Variants in CHCHD6 observed in about 807,000 individuals in gnomAD.
CHCHD6 encodes coiled-coil-helix-coiled-coil-helix domain containing 6.
Under a neutral mutation model 32.3 loss-of-function variants are expected in CHCHD6, and 28 were observed. The ratio of observed to expected loss-of-function variants is 0.87; its 90% CI spans 0.64 to 1.19. CHCHD6 has a LOEUF of 1.19. CHCHD6 is among the 50% of genes most tolerant of loss of function. CHCHD6 has a pLI of 0.00. For missense variants in CHCHD6, 333 were observed against 307.0 expected (o/e 1.08, Z -0.63); for synonymous variants, 122 against 117.5 (o/e 1.04, Z -0.25).
At chr3:126,888,035 G>T (rs1030141868) in intron 5 of CHCHD6, among the ~76,000 whole-genome samples, 1 of 151,942 alleles carries the variant, frequency 6.6e-6, no homozygotes, top group African/African-American at 2.4e-5. Flanking sequence ...ATATGTGAGC[G>T]GGGGGCTGCT....
Position 126,821,339 on chromosome 3 carries a change from A to G in CHCHD6, c.412-31308A>G, listed in dbSNP as rs182218412. Reference sequence around the variant, plus strand: ...CAGTAGAATTACTCAGATATATGATAATGCTGGAGTGCAGTGGCACAATCT... The same window carrying G: ...CAGTAGAATTACTCAGATATATGATGATGCTGGAGTGCAGTGGCACAATCT... On this transcript the variant is annotated intron_variant, in intron 4 of 7. Coordinates refer to ENST00000290913, the MANE Select transcript of CHCHD6 (RefSeq NM_032343.3). Among the ~76,000 whole-genome samples, 194 of 152,266 alleles carry G rather than the reference A, an allele frequency of 1.3e-3. 2 individuals carry two copies. Among genetic ancestry groups the G allele is most frequent in the Non-Finnish European group, 1.9e-4 (13 of 68,022 alleles).
At chr3:126,831,348 G>A (rs752399139) in intron 4 of CHCHD6, among the ~76,000 whole-genome samples, 32 of 152,222 alleles carry the variant, frequency 2.1e-4, no homozygotes, top group Middle Eastern at 3.4e-3. Context: ...TTTAACTAGC[G>A]TGCTGCCTCC....
intron 4 of CHCHD6, among the ~76,000 whole-genome samples, chr3:126,802,581 C>T (rs1057006750): frequency 3.3e-5 from 5 of 152,196 alleles, no homozygotes; most frequent in African/African-American, 9.6e-5. Flanking sequence ...ACCAAATCTA[C>T]GTCTGATTGG....
chr3:126,878,037 G>A (rs954536765), intron 5 of CHCHD6, among the ~76,000 whole-genome samples: 5 of 152,166 alleles, frequency 3.3e-5, no homozygotes, highest in Non-Finnish European at 5.9e-5. Flanking sequence ...TGTTTTATTT[G>A]TATTATAGGA....
intron 5 of CHCHD6, among the ~76,000 whole-genome samples, chr3:126,899,630 G>A (rs2077893446): frequency 6.6e-6 from 1 of 152,090 alleles, no homozygotes; most frequent in Admixed American, 6.5e-5. Flanking sequence ...AGAAGTTTGG[G>A]GACCTGGGAG....
At position 126,746,442 on chromosome 3, in the gene CHCHD6, C is replaced by G. The variant is rs529490264; in HGVS notation, c.411+13220C>G. Among the ~76,000 whole-genome samples the G allele has an allele frequency of 4.5e-4, 69 of 152,234 alleles. 1 individual carries two copies. The South Asian group carries it at 0.013, about 29-fold the overall frequency. On this transcript the variant is annotated intron_variant, in intron 4 of 7. Transcript: ENST00000290913. ...GTGGTTCCCAGGAGGCCTGGCAGCC[C>G]TGCCTTGCCTTGGGCCTGCTCCTTC...
chr3:126,750,155 A>C (rs1936670320), intron 4 of CHCHD6, among the ~76,000 whole-genome samples: 1 of 152,190 alleles, frequency 6.6e-6, no homozygotes, highest in Non-Finnish European at 1.5e-5. Flanking sequence ...TCAGTTCTCC[A>C]TAGTTAGCAG....
chr3:126,954,960 G>GA (rs1021712533), intron 6 of CHCHD6, among the ~76,000 whole-genome samples: 4 of 152,236 alleles, frequency 2.6e-5, no homozygotes, highest in Non-Finnish European at 5.9e-5. Context: ...GAGACTCAGG[G>GA]AGCAGAACAG....
At chr3:126,766,502 T>C (rs1482680147) in intron 4 of CHCHD6, 6 of 763,352 alleles carry the variant, frequency 7.9e-6, no homozygotes, top group Non-Finnish European at 1.4e-5. Context: ...CTTTTGTCTC[T>C]TGGTGTCACC....
chr3:126,793,465 C>T (rs1938645936), intron 4 of CHCHD6, among the ~76,000 whole-genome samples: 1 of 152,100 alleles, frequency 6.6e-6, no homozygotes, highest in Admixed American at 6.5e-5. Context: ...TTTACCACTC[C>T]AAGTGGAATA....
intron 4 of CHCHD6, among the ~76,000 whole-genome samples, chr3:126,787,065 A>C (rs370594839): frequency 3.3e-5 from 5 of 152,046 alleles, no homozygotes; most frequent in Admixed American, 1.3e-4. Context: ...TTCCCAGCAC[A>C]ATTTGTTAAA....
intron 5 of CHCHD6, among the ~76,000 whole-genome samples, chr3:126,899,504 G>A (rs976104639): frequency 2.0e-5 from 3 of 152,154 alleles, no homozygotes; most frequent in African/African-American, 7.2e-5. Context: ...GCGTTTCTGA[G>A]TGAGATGAAC....
At chr3:126,811,923 C>T (rs1939671462) in intron 4 of CHCHD6, among the ~76,000 whole-genome samples, 1 of 152,164 alleles carries the variant, frequency 6.6e-6, no homozygotes, top group South Asian at 2.1e-4. Flanking sequence ...TTTGTTTTCA[C>T]GTAGCCATGC....
At chr3:126,879,184 C>A (rs1451679881) in intron 5 of CHCHD6, among the ~76,000 whole-genome samples, 1 of 152,152 alleles carries the variant, frequency 6.6e-6, no homozygotes, top group Admixed American at 6.6e-5. Flanking sequence ...CCTATTTATT[C>A]AGCTATTGGT....
chr3:126,935,328 T>C (rs2078464186), intron 6 of CHCHD6: 1 of 184,956 alleles, frequency 5.4e-6, no homozygotes, highest in Non-Finnish European at 1.0e-5. Flanking sequence ...CCTGACCGCT[T>C]AGGTGATCTT....
chr3:126,805,275 A>G (rs1939308196), intron 4 of CHCHD6, among the ~76,000 whole-genome samples: 2 of 152,250 alleles, frequency 1.3e-5, no homozygotes, highest in Admixed American at 6.5e-5. Flanking sequence ...CTGTTTGCAG[A>G]CGACATGATT....
intron 5 of CHCHD6, among the ~76,000 whole-genome samples, chr3:126,911,998 G>A (rs1468607610): frequency 6.6e-6 from 1 of 152,198 alleles, no homozygotes; most frequent in Non-Finnish European, 1.5e-5. Context: ...ATTGTGGGGG[G>A]CGGGGCTTAG....
At chr3:126,843,180 C>T (rs1462333144) in intron 4 of CHCHD6, among the ~76,000 whole-genome samples, 1 of 152,026 alleles carries the variant, frequency 6.6e-6, no homozygotes, top group Non-Finnish European at 1.5e-5. Context: ...TGAAAATGAT[C>T]GTATGATTGT....
chr3:126,727,272 CA>C (rs1403822634), intron 2 of CHCHD6, 86 bp downstream of exon 2: 3 of 896,866 alleles, frequency 3.3e-6, no homozygotes, highest in Non-Finnish European at 5.3e-6. Flanking sequence ...TGATGGCGCA[CA>C]GGGCTCAGGT....
Sources: gnomAD v4.1 joint callset for allele counts (sites outside exome capture counted in the v4.1 genomes callset) on GRCh38, gnomAD v4.1.1 for gene constraint, MANE v1.5 for transcripts, NCBI Gene and HGNC (gene_info 2026-07-23, HGNC 2026-07-21) for gene names.